RPS6KA2: variants seen among roughly 807,000 people sequenced by gnomAD.
The protein encoded by RPS6KA2 is ribosomal protein S6 kinase alpha-2.
RPS6KA2 carries 42 observed loss-of-function variants against 91.8 expected under a neutral mutation model. The observed-to-expected ratio is 0.46, with a 90% CI of 0.36 to 0.59. The LOEUF is 0.59. RPS6KA2 is among the 20% of genes least tolerant of loss of function. RPS6KA2 has a pLI of 0.00. For missense variants in RPS6KA2, 798 were observed against 978.5 expected (o/e 0.82, Z 2.46); for synonymous variants, 414 against 393.6 (o/e 1.05, Z -0.61).
At chr6:166,436,141 A>G (rs1354969312) in intron 14 of RPS6KA2, among the ~76,000 whole-genome samples, 1 of 152,200 alleles carries the variant, frequency 6.6e-6, no homozygotes, top group Non-Finnish European at 1.5e-5. Flanking sequence ...GAGATAAAAT[A>G]GAATTACCCT....
At chr6:166,499,094 C>T (rs1358120426) in intron 7 of RPS6KA2, among the ~76,000 whole-genome samples, 1 of 152,180 alleles carries the variant, frequency 6.6e-6, no homozygotes. Flanking sequence ...GTGTGGCGAA[C>T]CTGCCCTGCC....
At chr6:166,568,621 G>GGAAAAA (rs1784578566) in intron 1 of RPS6KA2, among the ~76,000 whole-genome samples, 28 of 45,532 alleles carry the variant, frequency 6.1e-4, no homozygotes, top group East Asian at 1.6e-3. Context: ...CTCCATCTCA[G>GGAAAAA]AAAAAAAAAA....
intron 2 of RPS6KA2, among the ~76,000 whole-genome samples, chr6:166,761,146 C>G (rs977498848): frequency 6.6e-6 from 1 of 152,170 alleles, no homozygotes; most frequent in Non-Finnish European, 1.5e-5. Flanking sequence ...TCACTGCAAC[C>G]TCCGCCTCCC....
rs2294325 is a variant in RPS6KA2, at chr6:166,474,529, T to C, written c.908-4624A>G. Among the ~76,000 whole-genome samples, 67 of 152,266 alleles carry C rather than the reference T, an allele frequency of 4.4e-4. 4 individuals are homozygous for C. The East Asian group carries it at 0.013, about 29-fold the overall frequency. ...AGAAGCTACAGATGCTCATTAGGAA[T>C]GAGCTAGAAAGCTGTCAGCTTTGGA... On this transcript the variant is annotated intron_variant, in intron 10 of 20. Transcript: ENST00000265678.
intron 2 of RPS6KA2, among the ~76,000 whole-genome samples, chr6:166,836,431 T>C (rs1009881337): frequency 3.3e-5 from 4 of 122,166 alleles, no homozygotes; most frequent in Admixed American, 8.3e-5. Flanking sequence ...TATAAGACTA[T>C]ACAGTGAGTA....
chr6:166,430,665 G>C lies in RPS6KA2; in HGVS notation c.1423-54C>G. 5 of 1,559,544 alleles carry C rather than the reference G, an allele frequency of 3.2e-6. No individual in the cohort carries two copies. In the Admixed American group the frequency reaches 7.1e-5, roughly 22 times the overall value. On this transcript the variant is annotated intron_variant, in intron 15 of 20. Transcript: ENST00000265678. ...CACCACGGCTGGTTGCTGTGAAAGAGCAACTACTCCAGAGGGGACAGGAGA... is the reference window on the plus strand; with the variant it reads ...CACCACGGCTGGTTGCTGTGAAAGACCAACTACTCCAGAGGGGACAGGAGA...
At chr6:166,470,600 G>T (rs534514332) in intron 10 of RPS6KA2, among the ~76,000 whole-genome samples, 1 of 152,196 alleles carries the variant, frequency 6.6e-6, no homozygotes, top group East Asian at 1.9e-4. Context: ...GCCCTTTCAG[G>T]CAGCATGATT....
chr6:166,814,349 T>G (rs964157885), intron 2 of RPS6KA2, among the ~76,000 whole-genome samples: 1 of 152,240 alleles, frequency 6.6e-6, no homozygotes, highest in African/African-American at 2.4e-5. Flanking sequence ...TTCCTTTAAA[T>G]TGGTCATTCT....
chr6:166,422,396 G>T (rs927650175), intron 17 of RPS6KA2, among the ~76,000 whole-genome samples: 1 of 152,116 alleles, frequency 6.6e-6, no homozygotes, highest in Non-Finnish European at 1.5e-5. Flanking sequence ...GATGCCAGGC[G>T]CCTCAGACCT....
intron 12 of RPS6KA2, 53 bp from the exon 13 acceptor site, chr6:166,451,286 GGTGAAGTGATA>G (rs1459334127): frequency 6.2e-7 from 1 of 1,604,906 alleles, no homozygotes; most frequent in African/African-American, 1.3e-5. Context: ...GTGACCCTGG[GGTGAAGTGATA>G]GTGTGTGTGT....
chr6:166,742,275 A>G (rs928268272), intron 2 of RPS6KA2, among the ~76,000 whole-genome samples: 1 of 152,226 alleles, frequency 6.6e-6, no homozygotes, highest in Non-Finnish European at 1.5e-5. Context: ...CACGCACAGG[A>G]GTGAACAAAG....
rs1779644486 is a variant in RPS6KA2 at position 166,445,355 on chromosome 6, A to G, written c.1332+3369T>C. Among the ~76,000 whole-genome samples, 2 of 152,180 alleles carry G rather than the reference A, an allele frequency of 1.3e-5. No individual in the cohort carries two copies. The highest frequency in any genetic ancestry group is 4.1e-4 in the South Asian group (2 of 4,826). On this transcript the variant is annotated intron_variant, in intron 14 of 20. Transcript: ENST00000265678. The surrounding 1 kb of genome is among the most constrained non-coding windows in gnomAD (Gnocchi z 4.5). ...AAAACTCCATCCCCATCTCCAAAAT[A>G]TCAACCTCCTGGCCTTTATCTACAT...
At chr6:166,672,637 G>A (rs913748052) in intron 2 of RPS6KA2, among the ~76,000 whole-genome samples, 15 of 152,294 alleles carry the variant, frequency 9.8e-5, no homozygotes, top group Admixed American at 5.2e-4. Context: ...CCTCTACTGC[G>A]ATACTGTTTA....
chr6:166,648,164 G>GCA lies in RPS6KA2; in HGVS notation c.124-109382_124-109381dup, dbSNP rs796961486. On this transcript the variant is annotated intron_variant, in intron 2 of 21. Transcript: ENST00000503859. The surrounding 1 kb of genome is among the most constrained non-coding windows in gnomAD (Gnocchi z 4.8). ...CACACGCACATGGTTACACACCCAT[G>GCA]CACACATGCTCACACACATGCACAC... Among the ~76,000 whole-genome samples, 1 of 119,800 alleles carries GCA rather than the reference G, an allele frequency of 8.3e-6. No homozygotes were observed. Among genetic ancestry groups the GCA allele is most frequent in the Admixed American group, 8.1e-5 (1 of 12,410 alleles). 78.6% of individuals were successfully genotyped at this position (119,800 alleles called of 152,430 possible). A position where few individuals can be genotyped will look rare whatever the true frequency, so the allele number is the denominator to read the frequency against.
At chr6:166,853,212 G>A (rs1780793602) in intron 2 of RPS6KA2, among the ~76,000 whole-genome samples, 1 of 152,228 alleles carries the variant, frequency 6.6e-6, no homozygotes, top group Admixed American at 6.5e-5. Flanking sequence ...GCCAAGGCGA[G>A]AGGATCGTTT....
At chr6:166,789,788 C>A (rs950037719) in intron 2 of RPS6KA2, among the ~76,000 whole-genome samples, 1 of 152,208 alleles carries the variant, frequency 6.6e-6, no homozygotes, top group African/African-American at 2.4e-5. Flanking sequence ...TCCAACAGAC[C>A]TTCAACTGAG....
At chr6:166,530,727 C>G (rs1304137062) in intron 3 of RPS6KA2, among the ~76,000 whole-genome samples, 1 of 152,230 alleles carries the variant, frequency 6.6e-6, no homozygotes, top group Non-Finnish European at 1.5e-5. Context: ...CACATTCTGA[C>G]TCTAACGCTG....
intron 11 of RPS6KA2, chr6:166,463,140 T>C (rs3817792): frequency 0.14 from 21,818 of 152,286 alleles, 1,897 homozygotes; most frequent in East Asian, 0.41. Context: ...GTCTTCCTGA[T>C]GCTGCGTAAA....
intron 2 of RPS6KA2, among the ~76,000 whole-genome samples, chr6:166,846,250 G>C (rs1027451516): frequency 2.0e-5 from 3 of 151,728 alleles, no homozygotes; most frequent in African/African-American, 7.3e-5. Flanking sequence ...TCCAGAACCA[G>C]ATGTATTCAC....
Sources: allele counts gnomAD v4.1 joint callset (sites outside exome capture counted in the v4.1 genomes callset), GRCh38; gene constraint gnomAD v4.1.1; non-coding constraint Gnocchi (gnomAD v3.1); transcripts MANE v1.5; gene names NCBI Gene and HGNC (gene_info 2026-07-23, HGNC 2026-07-21).